DOCK1: variants seen among roughly 807,000 people sequenced by gnomAD.
DOCK1 encodes the protein dedicator of cytokinesis 1, also known as dedicator of cytokinesis protein 1.
Under a neutral mutation model 262.7 loss-of-function variants are expected in DOCK1, and 138 were observed. The ratio of observed to expected loss-of-function variants is 0.53; its 90% CI spans 0.46 to 0.61. DOCK1 has a LOEUF of 0.61. Ranked by LOEUF, DOCK1 falls within the 20% of genes least tolerant of loss-of-function variation. The probability of loss-of-function intolerance (pLI) is 0.00; values close to 1 mark genes in which losing one functional copy is unlikely to be tolerated. For missense variants in DOCK1, 1,908 were observed against 2,370.7 expected (o/e 0.80, Z 4.05); for synonymous variants, 866 against 867.4 (o/e 1.00, Z 0.03).
chr10:127,251,516 T>A (rs538237613), intron 28 of DOCK1, among the ~76,000 whole-genome samples: 2 of 144,432 alleles, frequency 1.4e-5, no homozygotes, highest in South Asian at 2.4e-4. Flanking sequence ...TAACTCCTAA[T>A]GCTATCCCTC....
At chr10:126,927,004 T>G (rs986684238) in intron 1 of DOCK1, among the ~76,000 whole-genome samples, 1 of 152,200 alleles carries the variant, frequency 6.6e-6, no homozygotes, top group African/African-American at 2.4e-5. Flanking sequence ...GGAAAAAGTA[T>G]TTCTGTTAGT....
At chr10:127,443,661 G>A (rs1319780490) in intron 49 of DOCK1, among the ~76,000 whole-genome samples, 1 of 152,094 alleles carries the variant, frequency 6.6e-6, no homozygotes, top group East Asian at 1.9e-4. Context: ...GTCATACAGT[G>A]GTCAAATCTG....
At chr10:127,336,366 G>A (rs1465667421) in intron 29 of DOCK1, among the ~76,000 whole-genome samples, 5 of 151,938 alleles carry the variant, frequency 3.3e-5, no homozygotes, top group African/African-American at 1.2e-4. Context: ...CTTTCCTTCA[G>A]CTTTCCTCAT....
At chr10:127,418,624 A>G (rs2068303014) in intron 45 of DOCK1, 83 bp downstream of exon 45, 1 of 1,486,212 alleles carries the variant, frequency 6.7e-7, no homozygotes, top group Admixed American at 2.2e-5. Flanking sequence ...CAAAGCCCAG[A>G]AACGCCCCTG....
chr10:127,069,665 G>A (rs2046095129), intron 23 of DOCK1, among the ~76,000 whole-genome samples: 1 of 152,112 alleles, frequency 6.6e-6, no homozygotes, highest in Admixed American at 6.6e-5. Flanking sequence ...CACATTGTCT[G>A]TATGGAGACA....
At chr10:126,910,660 C>T (rs745891508) in intron 1 of DOCK1, among the ~76,000 whole-genome samples, 17 of 152,202 alleles carry the variant, frequency 1.1e-4, no homozygotes, top group Non-Finnish European at 2.4e-4. Context: ...TACAGCATCA[C>T]GACTGGGATA....
intron 29 of DOCK1, among the ~76,000 whole-genome samples, chr10:127,336,535 GTT>G (rs545546680): frequency 8.0e-5 from 11 of 137,862 alleles, no homozygotes; most frequent in Admixed American, 2.2e-4. Flanking sequence ...GACATACATA[GTT>G]TTTTTTTTTT....
chr10:127,085,577 G>C (rs2047148379), intron 23 of DOCK1, among the ~76,000 whole-genome samples: 2 of 152,132 alleles, frequency 1.3e-5, no homozygotes, highest in Non-Finnish European at 1.5e-5. Flanking sequence ...GGCTAACATA[G>C]TGAAACCCCA....
At chr10:127,008,343 C>A (rs184783757) in intron 10 of DOCK1, among the ~76,000 whole-genome samples, 8 of 152,224 alleles carry the variant, frequency 5.3e-5, no homozygotes, top group African/African-American at 1.9e-4. Flanking sequence ...AGCACTGTGC[C>A]TGCCTTGGTC....
chr10:127,226,918 A>G (rs2058665936), intron 27 of DOCK1, among the ~76,000 whole-genome samples: 1 of 152,098 alleles, frequency 6.6e-6, no homozygotes, highest in African/African-American at 2.4e-5. Context: ...TCACCCCGTC[A>G]TGGCTCTGTC....
At chr10:127,179,343 T>A (rs573472839) in intron 27 of DOCK1, among the ~76,000 whole-genome samples, 18 of 152,360 alleles carry the variant, frequency 1.2e-4, no homozygotes, top group Non-Finnish European at 2.4e-4. Flanking sequence ...AGAGGGTTGC[T>A]GGTACATAAA....
In DOCK1 at chr10:127,333,350, C is replaced by T. The variant is rs149061716; in HGVS notation, c.3045-5656C>T. On this transcript the variant is annotated intron_variant, in intron 29 of 51. Transcript: ENST00000623213. ...TTCTCCCTCTGTAGTAATGAGGCTC[C>T]TCATCTTTCTGTTTTATTGGCAGCA... Among the ~76,000 whole-genome samples the T allele has an allele frequency of 3.2e-3, 486 of 152,262 alleles. 1 individual carries two copies. The highest frequency in any genetic ancestry group is 0.01 in the Middle Eastern group (3 of 294).
chr10:127,422,069 C>T (rs529570247), intron 46 of DOCK1, among the ~76,000 whole-genome samples: 66 of 151,686 alleles, frequency 4.4e-4, no homozygotes, highest in Middle Eastern at 3.4e-3. Flanking sequence ...AACTCTTCTA[C>T]GGTCACAGCA....
Position 127,451,402 on chromosome 10 carries a change from C to G in DOCK1, c.5636C>G (p.Ser1879Trp), listed in dbSNP as rs369390395. ...CCAAAGACAACTCGCAAGCAGGCAT[C>G]GGTGGACTCCGGGATCGTGCAGTGA... is the stretch of plus-strand genomic sequence containing the variant. ...PPPKTTRKQA[S>W]VDSGIVQ The change falls in exon 52 of 52, where the codon TCG (serine) becomes TGG (tryptophan). Residue 1879 changes from serine (S) to tryptophan (W), a missense_variant. Physicochemically the swap from Ser to Trp is radical, Grantham distance 177. Around this residue, in one of 9 missense-constraint regions of DOCK1, gnomAD observed 383 missense variants for 420.1 expected, o/e 0.91. Coordinates refer to ENST00000623213, the MANE Select transcript of DOCK1 (RefSeq NM_001290223.2). The G allele has an allele frequency of 1.3e-6, 2 of 1,589,330 alleles. No individual in the cohort carries two copies. Among genetic ancestry groups the G allele is most frequent in the South Asian group, 2.3e-5 (2 of 86,556 alleles).
At chr10:127,429,557 T>G (rs956456385) in intron 47 of DOCK1, among the ~76,000 whole-genome samples, 1 of 152,218 alleles carries the variant, frequency 6.6e-6, no homozygotes, top group Non-Finnish European at 1.5e-5. Context: ...ATTTTGTCAG[T>G]GTTTCTGAGC....
At chr10:127,444,053 T>C (rs1023260084) in intron 49 of DOCK1, 73 bp from the exon 50 acceptor site, 41 of 1,533,704 alleles carry the variant, frequency 2.7e-5, no homozygotes, top group Admixed American at 8.1e-5. Context: ...GACTTCAACA[T>C]AGGAATTTAG....
At chr10:127,419,040 G>T (rs2068335796) in intron 45 of DOCK1, among the ~76,000 whole-genome samples, 1 of 152,144 alleles carries the variant, frequency 6.6e-6, no homozygotes. Context: ...TTGGAAGAAG[G>T]CCACGCCTGT....
At chr10:127,050,339 A>G (rs1255708187) in intron 21 of DOCK1, among the ~76,000 whole-genome samples, 1 of 151,554 alleles carries the variant, frequency 6.6e-6, no homozygotes, top group African/African-American at 2.4e-5. Context: ...TCTTAATTAT[A>G]ATAGATTTTC....
intron 23 of DOCK1, among the ~76,000 whole-genome samples, chr10:127,098,921 G>T (rs1167902104): frequency 6.6e-6 from 1 of 152,090 alleles, no homozygotes; most frequent in Non-Finnish European, 1.5e-5. Context: ...GGTTTTTCCT[G>T]CAAGCACAAG....
Sources: allele counts gnomAD v4.1 joint callset (sites outside exome capture counted in the v4.1 genomes callset), GRCh38; gene constraint gnomAD v4.1.1; regional missense constraint gnomAD v4.1.1; transcripts MANE v1.5; gene names NCBI Gene and HGNC (gene_info 2026-07-23, HGNC 2026-07-21).